PCDHGB4: variants seen among roughly 807,000 people sequenced by gnomAD.
PCDHGB4 encodes protocadherin gamma-B4.
Under a neutral mutation model 60.5 loss-of-function variants are expected in PCDHGB4, and 38 were observed. The ratio of observed to expected loss-of-function variants is 0.63; its 90% confidence interval spans 0.48 to 0.82. PCDHGB4 has a LOEUF of 0.82. Among genes scored for constraint, PCDHGB4 ranks in the 40% least tolerant of loss-of-function variants. The probability of loss-of-function intolerance (pLI) is 0.00; values close to 1 mark genes in which losing one functional copy is unlikely to be tolerated. For missense variants in PCDHGB4, 1,109 were observed against 1,209.6 expected (o/e 0.92, Z 1.23); for synonymous variants, 456 against 509.7 (o/e 0.89, Z 1.42).
rs994878374 is a variant in PCDHGB4, at chr5:141,491,785, C to T, written c.2398-3022C>T. ...TCCTCATAAGGGATTGAACTTGCAT[C>T]CACTCCTCTCCGGCCGGCTTGGTCG... is the stretch of plus-strand genomic sequence containing the variant. On this transcript the variant is annotated intron_variant, in intron 1 of 3. Transcript: ENST00000519479. The surrounding 1 kb of genome is among the most constrained non-coding windows in gnomAD (Gnocchi z 6.9). 20 of 1,529,458 alleles carry T rather than the reference C, an allele frequency of 1.3e-5. No individual in the cohort carries two copies. Among genetic ancestry groups the T allele is most frequent in the Non-Finnish European group, 1.8e-5 (20 of 1,139,198 alleles). The allele number at this position is 1,529,458 out of a possible 1,614,324, so 94.7% of individuals were successfully genotyped here. A position where few individuals can be genotyped will look rare whatever the true frequency, so the allele number is the denominator to read the frequency against.
At chr5:141,413,374 G>A (rs528233301) in intron 1 of PCDHGB4, 1 of 1,613,946 alleles carries the variant, frequency 6.2e-7, no homozygotes, top group East Asian at 2.2e-5. Context: ...GGCGGAGCGC[G>A]GAGTCCGCAT....
At chr5:141,465,241 G>C (rs2099099198) in intron 1 of PCDHGB4, among the ~76,000 whole-genome samples, 1 of 151,964 alleles carries the variant, frequency 6.6e-6, no homozygotes, top group South Asian at 2.1e-4. Flanking sequence ...CAAGTTCAAG[G>C]CACTTTTGTA....
intron 1 of PCDHGB4, chr5:141,395,122 T>C (rs72790033): frequency 0.028 from 44,899 of 1,614,158 alleles, 731 homozygotes; most frequent in Non-Finnish European, 0.032. Flanking sequence ...CACCTGATCT[T>C]TCCCCAGCCC....
At chr5:141,503,598 CAAAAAAAAAAAA>C (rs765754054) in intron 2 of PCDHGB4, among the ~76,000 whole-genome samples, 11 of 65,762 alleles carry the variant, frequency 1.7e-4, no homozygotes, top group Admixed American at 3.4e-4. Context: ...GACTCCAGCT[CAAAAAAAAAAAA>C]AAAAGAAAAA....
chr5:141,414,867 C>T (rs2095797355), intron 1 of PCDHGB4: 9 of 1,614,230 alleles, frequency 5.6e-6, no homozygotes, highest in South Asian at 1.1e-5. Flanking sequence ...ACAATGCGCC[C>T]GAGATCCTGT....
chr5:141,432,173 G>C lies in PCDHGB4; in HGVS notation c.2397+41892G>C, dbSNP rs771177256. On this transcript the variant is annotated intron_variant, in intron 1 of 3. Transcript: ENST00000519479. This position sits in a 1 kb window ranked among gnomAD's most constrained non-coding sequence, Gnocchi z 6.0. ...GAACAATCCCAGAGGAGTTTCCCTC[G>C]TCTCTGTGACCGCCCACGACCCCGA... The C allele has an allele frequency of 3.1e-6, 5 of 1,614,054 alleles. No homozygotes were observed. Among genetic ancestry groups the C allele is most frequent in the South Asian group, 1.1e-5 (1 of 91,054 alleles).
In PCDHGB4 at chr5:141,490,455, G is replaced by A. The variant is rs746957706; in HGVS notation, c.2398-4352G>A. The A allele has an allele frequency of 9.3e-6, 15 of 1,614,010 alleles. No individual in the cohort carries two copies. The highest frequency in any genetic ancestry group is 2.2e-5 in the South Asian group (2 of 91,084). ...TTAAGCCTTCTGAGAACCACTACTC[G>A]CTGCTAACCAGCCAGCCTTTGGACC... On this transcript the variant is annotated intron_variant, in intron 1 of 3. Coordinates refer to ENST00000519479, the MANE Select transcript of PCDHGB4 (RefSeq NM_003736.4). The surrounding 1 kb of genome is among the most constrained non-coding windows in gnomAD (Gnocchi z 5.4).
At chr5:141,436,471 A>G (rs1249793994) in intron 1 of PCDHGB4, among the ~76,000 whole-genome samples, 1 of 152,204 alleles carries the variant, frequency 6.6e-6, no homozygotes, top group Non-Finnish European at 1.5e-5. Flanking sequence ...TTTCAGATGT[A>G]TCATAGAAGG....
intron 1 of PCDHGB4, chr5:141,414,071 A>C: frequency 6.2e-7 from 1 of 1,606,780 alleles, no homozygotes; most frequent in Non-Finnish European, 8.5e-7. Flanking sequence ...TTCCAACTAA[A>C]CAAATATACT....
intron 1 of PCDHGB4, chr5:141,391,218 T>A (rs1486850229): frequency 1.3e-5 from 2 of 152,172 alleles, no homozygotes; most frequent in South Asian, 2.1e-4. Flanking sequence ...AGGAACATTA[T>A]ATGAGCCTTT....
At chr5:141,450,014 T>A (rs867473620) in intron 1 of PCDHGB4, among the ~76,000 whole-genome samples, 7,114 of 149,588 alleles carry the variant, frequency 0.048, 422 homozygotes, top group African/African-American at 0.13. Context: ...CTCTTTTTTT[T>A]TTTTTTTTTT....
At position 141,432,436 on chromosome 5, in the gene PCDHGB4, G is replaced by C; in HGVS notation, c.2397+42155G>C. ...TCGTGCTGGACCAGAACGACAATGC[G>C]CCCGAGATCCTGTACCCCGCCCTCC... On this transcript the variant is annotated intron_variant, in intron 1 of 3. Transcript: ENST00000519479. This position sits in a 1 kb window ranked among gnomAD's most constrained non-coding sequence, Gnocchi z 6.0. 1 of 1,614,196 alleles carries C rather than the reference G, an allele frequency of 6.2e-7. No individual in the cohort carries two copies. Among genetic ancestry groups the C allele is most frequent in the Middle Eastern group, 1.6e-4 (1 of 6,062 alleles).
intron 1 of PCDHGB4, chr5:141,404,457 C>T: frequency 6.2e-7 from 1 of 1,612,824 alleles, no homozygotes; most frequent in Non-Finnish European, 8.5e-7. Flanking sequence ...TCTCCTCTCT[C>T]CACCTATGTC....
chr5:141,498,865 G>A (rs2099786522), intron 2 of PCDHGB4, among the ~76,000 whole-genome samples: 1 of 151,116 alleles, frequency 6.6e-6, no homozygotes, highest in Non-Finnish European at 1.5e-5. Flanking sequence ...CCCAGGAGGC[G>A]GAGGTTGCAG....
chr5:141,474,242 G>A (rs575397598), intron 1 of PCDHGB4, among the ~76,000 whole-genome samples: 1 of 152,192 alleles, frequency 6.6e-6, no homozygotes, highest in African/African-American at 2.4e-5. Context: ...GCTGAATAGG[G>A]GAAAAAAAGA....
chr5:141,422,499 A>G lies in PCDHGB4; in HGVS notation c.2397+32218A>G. 3 of 1,614,036 alleles carry G rather than the reference A, an allele frequency of 1.9e-6. No homozygotes were observed. The South Asian group carries it at 3.3e-5, about 18-fold the overall frequency. On this transcript the variant is annotated intron_variant, in intron 1 of 3. Coordinates refer to ENST00000519479, the MANE Select transcript of PCDHGB4 (RefSeq NM_003736.4). ...TCCAGAGCTACAATATAACGTTGAC[A>G]GCCACAGACCAGGGAAGCCCGCCTT...
intron 1 of PCDHGB4, among the ~76,000 whole-genome samples, chr5:141,449,607 A>G (rs1279835785): frequency 1.3e-5 from 2 of 149,984 alleles, no homozygotes; most frequent in African/African-American, 4.9e-5. Flanking sequence ...AAAAAAAAAA[A>G]GTAAAAAAGT....
At position 141,431,738 on chromosome 5, in the gene PCDHGB4, TA is replaced by T; in HGVS notation, c.2397+41458del. ...AGTGCAAGCAATGGATAATGCAGGA[TA>T]TTCTGCGCGAGCCAAAGTCCTGATC... On this transcript the variant is annotated intron_variant, in intron 1 of 3. Coordinates refer to ENST00000519479, the MANE Select transcript of PCDHGB4 (RefSeq NM_003736.4). The surrounding 1 kb of genome is among the most constrained non-coding windows in gnomAD (Gnocchi z 4.8). The T allele has an allele frequency of 6.2e-7, 1 of 1,614,234 alleles. No individual in the cohort carries two copies. Among genetic ancestry groups the T allele is most frequent in the South Asian group, 1.1e-5 (1 of 91,092 alleles).
intron 1 of PCDHGB4, chr5:141,408,577 T>C (rs771768269): frequency 6.2e-7 from 1 of 1,614,068 alleles, no homozygotes; most frequent in South Asian, 1.1e-5. Flanking sequence ...TGATTGAGGA[T>C]GTTAATGACC....
Sources: allele counts gnomAD v4.1 joint callset (sites outside exome capture counted in the v4.1 genomes callset), GRCh38; gene constraint gnomAD v4.1.1; non-coding constraint Gnocchi (gnomAD v3.1); transcripts MANE v1.5; gene names NCBI Gene and HGNC (gene_info 2026-07-23, HGNC 2026-07-21).